PTPRM: variants seen among roughly 807,000 people sequenced by gnomAD.
The protein encoded by PTPRM is protein tyrosine phosphatase receptor type M, also known as receptor-type tyrosine-protein phosphatase mu.
Under a neutral mutation model 186.7 loss-of-function variants are expected in PTPRM, and 47 were observed. The observed-to-expected ratio is 0.25, with a 90% CI of 0.20 to 0.32. PTPRM has a LOEUF of 0.32. Ranked by LOEUF, PTPRM falls within the 10% of genes least tolerant of loss-of-function variation. The pLI is 1.00. For synonymous variants in PTPRM, 668 were observed against 674.9 expected (o/e 0.99, Z 0.16); for missense variants, 1,494 against 1,865.0 (o/e 0.80, Z 3.66).
At chr18:7,615,997 T>A (rs1167744150) in intron 1 of PTPRM, among the ~76,000 whole-genome samples, 2 of 152,050 alleles carry the variant, frequency 1.3e-5, no homozygotes, top group Non-Finnish European at 2.9e-5. Context: ...CTGCTGCTGA[T>A]CTGACAGGAG....
chr18:7,982,396 C>T (rs962935972), intron 7 of PTPRM, among the ~76,000 whole-genome samples: 2 of 151,582 alleles, frequency 1.3e-5, no homozygotes, highest in Admixed American at 1.3e-4. Flanking sequence ...CCCACCTCCA[C>T]ATCCTCTCCC....
intron 23 of PTPRM, among the ~76,000 whole-genome samples, chr18:8,367,305 T>G (rs2095636307): frequency 6.6e-6 from 1 of 152,190 alleles, no homozygotes; most frequent in Non-Finnish European, 1.5e-5. Context: ...CCGCCTGTTC[T>G]GGGCCCGCCC....
chr18:8,024,897 T>G (rs2085472782), intron 7 of PTPRM, among the ~76,000 whole-genome samples: 1 of 151,988 alleles, frequency 6.6e-6, no homozygotes, highest in Non-Finnish European at 1.5e-5. Flanking sequence ...TTGCCCAGGC[T>G]TGTCTGGAAC....
intron 10 of PTPRM, 147 bp from the exon 11 acceptor site, chr18:8,088,602 T>G: frequency 1.6e-6 from 1 of 641,692 alleles, no homozygotes; most frequent in Non-Finnish European, 2.8e-6. Context: ...GTAGGGAATA[T>G]ATGTGAAGCT....
At chr18:8,061,422 G>C (rs1298292) in intron 7 of PTPRM, among the ~76,000 whole-genome samples, 79,632 of 128,316 alleles carry the variant, frequency 0.62, 25,597 homozygotes, top group African/African-American at 0.68. Flanking sequence ...ACTTGCCAGT[G>C]TGTGTCTTTT....
chr18:8,085,342 A>G (rs1414368005), intron 9 of PTPRM, among the ~76,000 whole-genome samples: 6 of 152,090 alleles, frequency 3.9e-5, no homozygotes, highest in African/African-American at 9.7e-5. Context: ...AGCTAGTTGT[A>G]TATTTTCTTA....
At chr18:7,670,977 C>A (rs2144485981) in intron 1 of PTPRM, among the ~76,000 whole-genome samples, 1 of 152,288 alleles carries the variant, frequency 6.6e-6, no homozygotes, top group East Asian at 1.9e-4. Context: ...TATAACATTA[C>A]ATTTTTGTCT....
chr18:7,924,105 G>A (rs976679915), intron 4 of PTPRM, among the ~76,000 whole-genome samples: 3 of 152,218 alleles, frequency 2.0e-5, no homozygotes, highest in Non-Finnish European at 2.9e-5. Context: ...TGATTTCCGG[G>A]TGTTGGATTT....
At chr18:8,350,505 G>A (rs780093478) in intron 23 of PTPRM, among the ~76,000 whole-genome samples, 1 of 152,148 alleles carries the variant, frequency 6.6e-6, no homozygotes, top group Non-Finnish European at 1.5e-5. Context: ...ACTCTTCCCA[G>A]CTTGCAAACC....
At chr18:7,785,571 G>A (rs2043061710) in intron 2 of PTPRM, among the ~76,000 whole-genome samples, 1 of 152,210 alleles carries the variant, frequency 6.6e-6, no homozygotes, top group South Asian at 2.1e-4. Context: ...CAGTATAAAT[G>A]TGGGGCTACA....
chr18:8,112,684 T>A (rs2145699861), intron 11 of PTPRM, among the ~76,000 whole-genome samples: 1 of 152,326 alleles, frequency 6.6e-6, no homozygotes, highest in African/African-American at 2.4e-5. Flanking sequence ...TAAAAATCTA[T>A]CAGTTCAAGG....
chr18:7,781,280 C>T (rs1047125653), intron 2 of PTPRM, among the ~76,000 whole-genome samples: 1 of 151,922 alleles, frequency 6.6e-6, no homozygotes, highest in Non-Finnish European at 1.5e-5. Flanking sequence ...TATTAAAATA[C>T]AATAATTAAA....
intron 14 of PTPRM, among the ~76,000 whole-genome samples, chr18:8,225,128 A>T (rs1016862202): frequency 3.3e-5 from 5 of 152,178 alleles, no homozygotes; most frequent in Admixed American, 3.3e-4. Flanking sequence ...TGTATTTATT[A>T]AGTGTCATTC....
At chr18:7,589,168 A>C (rs1458669968) in intron 1 of PTPRM, among the ~76,000 whole-genome samples, 1 of 152,150 alleles carries the variant, frequency 6.6e-6, no homozygotes, top group Non-Finnish European at 1.5e-5. Flanking sequence ...CTCTTAAATG[A>C]AATATGGATT....
At chr18:7,711,637 TTGG>T (rs1178043104) in intron 1 of PTPRM, among the ~76,000 whole-genome samples, 1 of 152,188 alleles carries the variant, frequency 6.6e-6, no homozygotes, top group East Asian at 1.9e-4. Flanking sequence ...GACACTGGAC[TTGG>T]TGGGGGGAGT....
At position 8,153,817 on chromosome 18, in the gene PTPRM, A is replaced by G. The variant is rs2093063674; in HGVS notation, c.2300+10038A>G. 2.0e-5 allele frequency among the ~76,000 whole-genome samples: 3 copies of G among 152,350 alleles called. No individual in the cohort carries two copies. The East Asian group carries it at 5.8e-4, about 29-fold the overall frequency. On this transcript the variant is annotated intron_variant, in intron 14 of 32. Coordinates refer to ENST00000580170, the MANE Select transcript of PTPRM (RefSeq NM_001105244.2). ...CACCACATTGTTTGGTTAGAAGAAC[A>G]CTGAACTTAGATGTGGAATTCCTAG...
At chr18:7,665,722 C>T (rs1026070356) in intron 1 of PTPRM, among the ~76,000 whole-genome samples, 4 of 151,938 alleles carry the variant, frequency 2.6e-5, no homozygotes, top group Middle Eastern at 3.2e-3. Flanking sequence ...GTCAGGAGAT[C>T]GAGACCATCC....
At chr18:7,597,651 T>C (rs1159746710) in intron 1 of PTPRM, among the ~76,000 whole-genome samples, 1 of 152,196 alleles carries the variant, frequency 6.6e-6, no homozygotes, top group Non-Finnish European at 1.5e-5. Context: ...TCATCTACAC[T>C]AAGCTGGGTA....
At chr18:8,393,687 C>T (rs2095829680) in intron 31 of PTPRM, among the ~76,000 whole-genome samples, 1 of 152,246 alleles carries the variant, frequency 6.6e-6, no homozygotes, top group Admixed American at 6.5e-5. Context: ...GCTATTTTTA[C>T]ATTTCTGCAC....
Sources: allele counts gnomAD v4.1 joint callset (sites outside exome capture counted in the v4.1 genomes callset), GRCh38; gene constraint gnomAD v4.1.1; transcripts MANE v1.5; gene names NCBI Gene and HGNC (gene_info 2026-07-23, HGNC 2026-07-21).